Variants in MAP2K3 observed in about 807,000 individuals in gnomAD.
MAP2K3 encodes mitogen-activated protein kinase kinase 3.
A neutral mutation model predicts 46.4 loss-of-function variants in MAP2K3; 30 were observed. The ratio of observed to expected loss-of-function variants is 0.65; its 90% CI spans 0.48 to 0.88. MAP2K3 has a LOEUF of 0.88. Among genes scored for constraint, MAP2K3 ranks in the 40% least tolerant of loss-of-function variants. The pLI is 0.00. For synonymous variants in MAP2K3, 189 were observed against 176.3 expected, an observed-to-expected ratio of 1.07 and a Z score of -0.57; for missense variants, 380 against 464.5, an observed-to-expected ratio of 0.82 and a Z score of 1.67.
chr17:21,309,291 C>A (rs576723442), intron 9 of MAP2K3, among the ~76,000 whole-genome samples: 1 of 152,300 alleles, frequency 6.6e-6, no homozygotes, highest in Admixed American at 6.5e-5. Flanking sequence ...TGTTGGTCAG[C>A]GAGTCACAGG....
chr17:21,298,872 C>T lies in MAP2K3; in HGVS notation c.117-6C>T. ...CTGAAGCTCACGGAGTCTTCTTTCTCCACAGACCCCCCCGGAACCTGGACT... is the reference window on the plus strand; with the variant it reads ...CTGAAGCTCACGGAGTCTTCTTTCTTCACAGACCCCCCCGGAACCTGGACT... On this transcript the variant is annotated splice_region_variant and splice_polypyrimidine_tract_variant and intron_variant, in intron 2 of 11. Transcript: ENST00000342679. 1.2e-6 allele frequency: 2 copies of T among 1,614,318 alleles called. No individual in the cohort carries two copies. The highest frequency in any genetic ancestry group is 2.7e-5 in the African/African-American group (2 of 75,090).
chr17:21,291,225 T>C (rs74195485), intron 1 of MAP2K3, among the ~76,000 whole-genome samples: 3,850 of 97,164 alleles, frequency 0.04, 89 homozygotes, highest in Non-Finnish European at 0.052. Flanking sequence ...GCCTGGGCAA[T>C]AGAGAGAGAA....
chr17:21,292,157 GC>G (rs1343456143), intron 1 of MAP2K3, among the ~76,000 whole-genome samples: 1 of 152,310 alleles, frequency 6.6e-6, no homozygotes, highest in Admixed American at 6.5e-5. Flanking sequence ...AGCCTGAGCA[GC>G]CTGCTGCGGG....
chr17:21,300,765 T>C (rs1976550302), intron 4 of MAP2K3, 107 bp downstream of exon 4: 1 of 1,608,442 alleles, frequency 6.2e-7, no homozygotes, highest in African/African-American at 1.3e-5. Flanking sequence ...GAGGCTAGGC[T>C]TTTTGGGGCA....
In MAP2K3 at chr17:21,314,254, C is replaced by T. The variant is rs2363375; in HGVS notation, c.*24C>T. ...AGGGGCTGGGCCTCGGACCCCACTC[C>T]GGCCCTCCAGAGCCCCACAGCCCCA... On this transcript the variant is annotated 3_prime_UTR_variant, in exon 12 of 12. Coordinates refer to ENST00000342679, the MANE Select transcript of MAP2K3 (RefSeq NM_145109.3). 299 of 1,599,908 alleles carry T rather than the reference C, an allele frequency of 1.9e-4. No homozygotes were observed. The highest frequency in any genetic ancestry group is 1.3e-3 in the South Asian group (116 of 90,776).
chr17:21,292,388 C>CTTTTT (rs1975991385), intron 1 of MAP2K3, among the ~76,000 whole-genome samples: 2 of 148,690 alleles, frequency 1.3e-5, no homozygotes, highest in Non-Finnish European at 1.5e-5. Context: ...TTCTTCTTCT[C>CTTTTT]ATTTTTTTTT....
At chr17:21,291,318 G>C (rs62056389) in intron 1 of MAP2K3, 4,491 of 53,506 alleles carry the variant, frequency 0.084, 95 homozygotes, top group Non-Finnish European at 0.1. Context: ...CAATACAATA[G>C]AATACAATAG....
intron 3 of MAP2K3, among the ~76,000 whole-genome samples, chr17:21,300,030 C>G (rs1976501643): frequency 1.3e-5 from 2 of 152,312 alleles, no homozygotes; most frequent in African/African-American, 4.8e-5. Flanking sequence ...GATACTCCCT[C>G]CAGGCTGTCG....
chr17:21,303,322 G>A, intron 7 of MAP2K3, 88 bp downstream of exon 7: 1 of 1,572,842 alleles, frequency 6.4e-7, no homozygotes, highest in South Asian at 1.1e-5. Context: ...ATGAGCAACT[G>A]TGGCTCCGAG....
At chr17:21,308,965 A>T (rs1977032063) in intron 9 of MAP2K3, among the ~76,000 whole-genome samples, 1 of 152,296 alleles carries the variant, frequency 6.6e-6, no homozygotes, top group African/African-American at 2.4e-5. Flanking sequence ...TAGTGACCCA[A>T]ACCAACAGCG....
chr17:21,302,314 G>A, intron 6 of MAP2K3, 55 bp downstream of exon 6: 1 of 1,518,968 alleles, frequency 6.6e-7, no homozygotes, highest in South Asian at 1.1e-5. Context: ...CAGAGGCCCA[G>A]CCCTGCCAGC....
Position 21,292,240 on chromosome 17 carries a change from G to A in MAP2K3, c.50-6173G>A, listed in dbSNP as rs1597802647. The stretch of plus-strand genomic sequence containing the variant: ...GAGTGCTGGGGCTGGCTTCAAGCAG[G>A]CCTCTTTGTTTCTTCTTTTCTTTAA... On this transcript the variant is annotated intron_variant, in intron 1 of 11. Transcript: ENST00000342679. Among the ~76,000 whole-genome samples, 5 of 152,424 alleles carry A rather than the reference G, an allele frequency of 3.3e-5. No homozygotes were observed. The South Asian group carries it at 1.0e-3, about 32-fold the overall frequency.
intron 7 of MAP2K3, 89 bp downstream of exon 7, chr17:21,303,323 T>G (rs77285979): frequency 1.3e-6 from 2 of 1,572,624 alleles, no homozygotes; most frequent in East Asian, 4.6e-5. Context: ...TGAGCAACTG[T>G]GGCTCCGAGA....
chr17:21,297,841 G>A (rs1444743861), intron 1 of MAP2K3, among the ~76,000 whole-genome samples: 5 of 152,426 alleles, frequency 3.3e-5, no homozygotes, highest in East Asian at 1.9e-4. Flanking sequence ...GGAGAGAAAC[G>A]GGCATCGGGT....
chr17:21,302,360 A>G, intron 6 of MAP2K3, 101 bp downstream of exon 6: 2 of 1,349,502 alleles, frequency 1.5e-6, no homozygotes, highest in Non-Finnish European at 2.1e-6. Flanking sequence ...TGTCTTGGGC[A>G]GAGCTGGGCA....
chr17:21,310,961 A>G (rs1977132662), intron 9 of MAP2K3, among the ~76,000 whole-genome samples: 1 of 152,224 alleles, frequency 6.6e-6, no homozygotes, highest in Non-Finnish European at 1.5e-5. Context: ...TGTAGCTCGT[A>G]TGGGGTACTT....
chr17:21,312,735 T>C (rs1466313287), intron 10 of MAP2K3, among the ~76,000 whole-genome samples: 1 of 151,938 alleles, frequency 6.6e-6, no homozygotes, highest in Non-Finnish European at 1.5e-5. Context: ...ACCAACATGG[T>C]GAAACCCCGA....
At chr17:21,295,763 T>G in intron 1 of MAP2K3, 2 of 1,288,650 alleles carry the variant, frequency 1.6e-6, no homozygotes, top group Non-Finnish European at 2.0e-6. Flanking sequence ...GCAAGTGCCC[T>G]TGACAGGTGG....
At chr17:21,299,525 T>C (rs1597814273) in intron 3 of MAP2K3, among the ~76,000 whole-genome samples, 3 of 152,354 alleles carry the variant, frequency 2.0e-5, no homozygotes, top group Middle Eastern at 6.8e-3. Flanking sequence ...TGTACAAAAA[T>C]ACAGAAAATT....
Sources: allele counts gnomAD v4.1 joint callset (sites outside exome capture counted in the v4.1 genomes callset), GRCh38; gene constraint gnomAD v4.1.1; transcripts MANE v1.5; gene names NCBI Gene and HGNC (gene_info 2026-07-23, HGNC 2026-07-21).